Variants in TTYH3 observed in about 807,000 individuals in gnomAD.
TTYH3 encodes the protein protein tweety homolog 3.
A neutral mutation model predicts 68.2 loss-of-function variants in TTYH3; 23 were observed. The ratio of observed to expected loss-of-function variants is 0.34; its 90% CI spans 0.24 to 0.48. The LOEUF (loss-of-function observed/expected upper bound fraction) is 0.48, where lower values mean the gene tolerates loss of function less well. Ranked by LOEUF, TTYH3 falls within the 20% of genes least tolerant of loss-of-function variation. The pLI is 0.99. For synonymous variants in TTYH3, 360 were observed against 332.8 expected, an observed-to-expected ratio of 1.08 and a Z score of -0.89; for missense variants, 768 against 727.7, an observed-to-expected ratio of 1.06 and a Z score of -0.64.
intron 1 of TTYH3, among the ~76,000 whole-genome samples, chr7:2,634,338 AG>A (rs1785602859): frequency 6.6e-6 from 1 of 152,078 alleles, no homozygotes; most frequent in South Asian, 2.1e-4. Context: ...CACCCCTGGG[AG>A]GCAAGGGCCA....
At chr7:2,644,726 G>A (rs1167583188) in intron 1 of TTYH3, among the ~76,000 whole-genome samples, 3 of 152,218 alleles carry the variant, frequency 2.0e-5, no homozygotes, top group Admixed American at 1.3e-4. Context: ...TGGACACACC[G>A]GTGTGGCTTT....
rs777348898 is a variant in TTYH3 at position 2,652,965 on chromosome 7, G to A, written c.975G>A (p.Val325=). 1.3e-6 allele frequency: 2 copies of A among 1,576,500 alleles called. No homozygotes were observed. The highest frequency in any genetic ancestry group is 1.9e-5 in the Admixed American group (1 of 52,484). The change falls in exon 9 of 14, where the codon GTG becomes GTA. Residue 325 remains valine (V), a synonymous_variant. Coordinates refer to ENST00000258796, the MANE Select transcript of TTYH3 (RefSeq NM_025250.3). The part of the protein sequence containing the change: ...HKALVEMQDV[V]AELLRTVPWE... The stretch of plus-strand genomic sequence containing the variant: ...CACTGGTGGAGATGCAGGATGTCGT[G>A]GCTGAGCTTCTGAGGACCGTCCCCT...
chr7:2,648,519 C>T lies in TTYH3; in HGVS notation c.722+465C>T, dbSNP rs139665632. On this transcript the variant is annotated intron_variant, in intron 5 of 13. Transcript: ENST00000258796. The stretch of plus-strand genomic sequence containing the variant: ...CTCCTCGTTTGGAAGGCAGAGAGAG[C>T]GGCAGCTCCTCTGTGGGAGGTAAGG... 259 of 157,856 alleles carry T rather than the reference C, an allele frequency of 1.6e-3. 1 individual carries two copies. Among genetic ancestry groups the T allele is most frequent in the Middle Eastern group, 9.8e-3 (3 of 306 alleles). The allele number at this position is 157,856 out of a possible 1,614,324, so 9.8% of individuals were successfully genotyped here.
chr7:2,634,072 GACTC>G (rs1332670801), intron 1 of TTYH3, among the ~76,000 whole-genome samples: 1 of 152,196 alleles, frequency 6.6e-6, no homozygotes, highest in African/African-American at 2.4e-5. Context: ...GGAGGGCTCT[GACTC>G]ACTCTCTCTC....
intron 9 of TTYH3, among the ~76,000 whole-genome samples, chr7:2,654,020 A>G (rs1786264910): frequency 6.6e-6 from 1 of 151,554 alleles, no homozygotes; most frequent in Admixed American, 6.6e-5. Context: ...TGTGGGCACA[A>G]GTGTGGGTCT....
intron 1 of TTYH3, among the ~76,000 whole-genome samples, chr7:2,634,056 G>C (rs1435604142): frequency 6.6e-6 from 1 of 152,224 alleles, no homozygotes; most frequent in East Asian, 1.9e-4. Context: ...GCTCTGCTCT[G>C]CTGTGGGAGG....
chr7:2,656,759 G>A (rs115693834), intron 11 of TTYH3, among the ~76,000 whole-genome samples: 2,753 of 152,292 alleles, frequency 0.018, 51 homozygotes, highest in African/African-American at 0.035. Context: ...AGGAGCTCCC[G>A]GCCTGGGTTG....
chr7:2,657,311 ATGGTGATGGTGATGGTGGTAATGATGG>A (rs1786361226), intron 11 of TTYH3, among the ~76,000 whole-genome samples: 1 of 151,692 alleles, frequency 6.6e-6, no homozygotes, highest in Non-Finnish European at 1.5e-5. Context: ...GCCAACGATG[ATGGTGATGGTGATGGTGGTAATGATGG>A]TGATGGTGAT....
intron 1 of TTYH3, 46 bp from the exon 2 acceptor site, chr7:2,646,807 G>A (rs758843531): frequency 1.5e-4 from 241 of 1,561,202 alleles, no homozygotes; most frequent in Non-Finnish European, 2.0e-4. Flanking sequence ...GTGGGACTCT[G>A]AGCTGGGGGT....
chr7:2,637,422 C>T (rs1448623495), intron 1 of TTYH3, among the ~76,000 whole-genome samples: 5 of 152,114 alleles, frequency 3.3e-5, no homozygotes, highest in Non-Finnish European at 5.9e-5. Context: ...GTGTCCCCGA[C>T]ATAAGCAGAA....
intron 5 of TTYH3, chr7:2,648,306 C>G: frequency 2.1e-6 from 1 of 481,506 alleles, no homozygotes; most frequent in Non-Finnish European, 3.7e-6. Flanking sequence ...ACGTGGGGCA[C>G]TTGTAGCCCA....
At chr7:2,661,621 G>A in intron 13 of TTYH3, 47 bp from the exon 14 acceptor site, 1 of 1,583,364 alleles carries the variant, frequency 6.3e-7, no homozygotes, top group Non-Finnish European at 8.6e-7. Context: ...CTGGCTGCGT[G>A]CGCCATGCAG....
intron 13 of TTYH3, among the ~76,000 whole-genome samples, 194 bp downstream of exon 13, chr7:2,659,209 G>T (rs1004112944): frequency 1.3e-5 from 2 of 152,192 alleles, no homozygotes; most frequent in African/African-American, 4.8e-5. Flanking sequence ...CTGAGTTGAC[G>T]GGGCTGGGTG....
intron 1 of TTYH3, among the ~76,000 whole-genome samples, chr7:2,646,469 G>C (rs981463303): frequency 3.9e-5 from 6 of 152,188 alleles, no homozygotes; most frequent in Admixed American, 2.0e-4. Context: ...CTCTCCTTGG[G>C]GCCTGGTGGG....
At position 2,661,741 on chromosome 7, in the gene TTYH3, C is replaced by A. The variant is rs750033155; in HGVS notation, c.*2C>A. On this transcript the variant is annotated 3_prime_UTR_variant, in exon 14 of 14. Transcript: ENST00000258796. ...CCTGACTCCAGCGGCAGCCACTAGA[C>A]CGCGCCCGGCAGCCACCCACCCCAC... The A allele has an allele frequency of 2.3e-5, 37 of 1,609,744 alleles. No homozygotes were observed. The highest frequency in any genetic ancestry group is 2.8e-5 in the Non-Finnish European group (33 of 1,179,060).
chr7:2,650,718 A>C (rs1166325536), intron 7 of TTYH3, among the ~76,000 whole-genome samples: 1 of 151,730 alleles, frequency 6.6e-6, no homozygotes, highest in Non-Finnish European at 1.5e-5. Context: ...TTCCAGGGGG[A>C]GGCCATTGGA....
rs1318913607 is a variant in TTYH3 at position 2,645,215 on chromosome 7, G to A, written c.124-1638G>A. Among the ~76,000 whole-genome samples the A allele has an allele frequency of 6.6e-6, 1 of 152,232 alleles. No homozygotes were observed. The highest frequency in any genetic ancestry group is 1.5e-5 in the Non-Finnish European group (1 of 68,036). On this transcript the variant is annotated intron_variant, in intron 1 of 13. Coordinates refer to ENST00000258796, the MANE Select transcript of TTYH3 (RefSeq NM_025250.3). The surrounding 1 kb of genome is among the most constrained non-coding windows in gnomAD (Gnocchi z 4.8). The stretch of plus-strand genomic sequence containing the variant: ...AGCTCCCCATCCCTCCCCCGGCACA[G>A]GAAGTGTGTGGAGGTTCTGGAGGGC...
chr7:2,655,577 TGA>T (rs1460158430), intron 9 of TTYH3, among the ~76,000 whole-genome samples: 1 of 152,212 alleles, frequency 6.6e-6, no homozygotes, highest in Non-Finnish European at 1.5e-5. Flanking sequence ...TCTCCAGGCA[TGA>T]GACAGAGCTG....
chr7:2,649,881 C>A (rs184822852), intron 6 of TTYH3, 32 bp from the exon 7 acceptor site: 4 of 1,612,722 alleles, frequency 2.5e-6, no homozygotes, highest in Non-Finnish European at 2.5e-6. Context: ...CCAGCTTGGT[C>A]AACCCCTCTT....
Sources: allele counts gnomAD v4.1 joint callset (sites outside exome capture counted in the v4.1 genomes callset), GRCh38; gene constraint gnomAD v4.1.1; non-coding constraint Gnocchi (gnomAD v3.1); transcripts MANE v1.5; gene names NCBI Gene and HGNC (gene_info 2026-07-23, HGNC 2026-07-21).